Variants in ZNF346 observed in about 807,000 individuals in gnomAD.
ZNF346 encodes the protein zinc finger protein 346.
A neutral mutation model predicts 33.7 loss-of-function variants in ZNF346; 23 were observed. The observed-to-expected ratio is 0.68, with a 90% CI of 0.49 to 0.97. The LOEUF (loss-of-function observed/expected upper bound fraction) is 0.97. ZNF346 is among the 50% of genes least tolerant of loss of function. ZNF346 has a pLI of 0.00. For missense variants in ZNF346, 340 were observed against 371.1 expected (o/e 0.92, Z 0.69); for synonymous variants, 134 against 142.4 (o/e 0.94, Z 0.42).
intron 1 of ZNF346, among the ~76,000 whole-genome samples, chr5:177,034,820 C>T (rs1055946135): frequency 2.6e-5 from 4 of 152,190 alleles, no homozygotes; most frequent in Non-Finnish European, 5.9e-5. Flanking sequence ...TTTCCAGCAT[C>T]CGTTGTCCAG....
At chr5:177,026,620 C>T (rs1776821584) in intron 1 of ZNF346, among the ~76,000 whole-genome samples, 1 of 152,036 alleles carries the variant, frequency 6.6e-6, no homozygotes, top group Admixed American at 6.6e-5. Context: ...CCTTGGCCTC[C>T]CGAAGTGTTG....
chr5:177,051,167 T>C (rs1319523068), intron 5 of ZNF346, among the ~76,000 whole-genome samples: 1 of 148,334 alleles, frequency 6.7e-6, no homozygotes, highest in African/African-American at 2.6e-5. Flanking sequence ...CAGGTTTTCT[T>C]TTCTTTTTTT....
At chr5:177,048,464 A>G (rs1175878585) in intron 4 of ZNF346, among the ~76,000 whole-genome samples, 1 of 152,148 alleles carries the variant, frequency 6.6e-6, no homozygotes, top group Non-Finnish European at 1.5e-5. Context: ...TCTACTAAAA[A>G]TACAAAATTA....
chr5:177,026,472 G>A (rs922422208), intron 1 of ZNF346, among the ~76,000 whole-genome samples: 16 of 145,230 alleles, frequency 1.1e-4, no homozygotes, highest in Admixed American at 6.5e-4. Flanking sequence ...TGATTCTCCC[G>A]CCTCAGCCTC....
chr5:177,068,560 C>T (rs79007785), downstream of ZNF346, among the ~76,000 whole-genome samples: 695 of 143,898 alleles, frequency 4.8e-3, 164 homozygotes, highest in African/African-American at 0.019. Context: ...GAACACCTTT[C>T]TCCACTAGTT....
At position 177,064,959 on chromosome 5, in the gene ZNF346, A is replaced by C. The variant is rs1783015364; in HGVS notation, c.*360A>C. 1.4e-5 allele frequency: 3 copies of C among 220,830 alleles called. No homozygotes were observed. In the East Asian group the frequency reaches 3.1e-4, roughly 23 times the overall value. 13.7% of individuals were successfully genotyped at this position (220,830 alleles called of 1,614,324 possible). Reference sequence around the variant, plus strand: ...CAGTTTTGGGCCAGTTCTTGCAACTAAAGAGCAGAGATCTCTCTGGGCCCT... The same window carrying C: ...CAGTTTTGGGCCAGTTCTTGCAACTCAAGAGCAGAGATCTCTCTGGGCCCT... On this transcript the variant is annotated 3_prime_UTR_variant, in exon 7 of 7. Transcript: ENST00000358149.
At position 177,038,097 on chromosome 5, in the gene ZNF346, T is replaced by A. The variant is rs1045326302; in HGVS notation, c.176-3029T>A. 7.8e-3 allele frequency among the ~76,000 whole-genome samples: 1,154 copies of A among 148,504 alleles called. 6 individuals carry two copies. The highest frequency in any genetic ancestry group is 0.01 in the Non-Finnish European group (669 of 66,840). ...CCATGATGATTTTTTTTTTTTTTTTTAAATTTTCAGAGTCAAAGTCTTTCT... is the reference window on the plus strand; with the variant it reads ...CCATGATGATTTTTTTTTTTTTTTTAAAATTTTCAGAGTCAAAGTCTTTCT... On this transcript the variant is annotated intron_variant, in intron 1 of 6. Transcript: ENST00000358149.
intron 6 of ZNF346, among the ~76,000 whole-genome samples, chr5:177,063,412 C>T (rs1782789507): frequency 6.6e-6 from 1 of 152,224 alleles, no homozygotes; most frequent in African/African-American, 2.4e-5. Context: ...AGTCTCCTCT[C>T]TCACACTGTA....
chr5:177,024,970 A>G (rs1776552713), intron 1 of ZNF346, among the ~76,000 whole-genome samples: 1 of 152,220 alleles, frequency 6.6e-6, no homozygotes, highest in Non-Finnish European at 1.5e-5. Flanking sequence ...TGTGAGTTAC[A>G]ATTTATATAC....
In ZNF346 at chr5:177,060,928, G is replaced by A. The variant is rs1432819136; in HGVS notation, c.704-1130G>A. Among the ~76,000 whole-genome samples the A allele has an allele frequency of 2.0e-5, 3 of 151,700 alleles. No homozygotes were observed. The East Asian group carries it at 5.8e-4, about 30-fold the overall frequency. ...GATCAAGACCATCCTGGCTAACACAGTGAAACCCCATCTCTACTAAAAATA... is the reference window on the plus strand; with the variant it reads ...GATCAAGACCATCCTGGCTAACACAATGAAACCCCATCTCTACTAAAAATA... On this transcript the variant is annotated intron_variant, in intron 5 of 6. Coordinates refer to ENST00000358149, the MANE Select transcript of ZNF346 (RefSeq NM_012279.4).
chr5:177,038,270 T>TG (rs35786981), intron 1 of ZNF346, among the ~76,000 whole-genome samples: 3 of 103,758 alleles, frequency 2.9e-5, no homozygotes, highest in Non-Finnish European at 5.2e-5. Flanking sequence ...TTTTTTTTTG[T>TG]GTGTGTGTGT....
At chr5:177,034,031 A>G (rs1778110087) in intron 1 of ZNF346, among the ~76,000 whole-genome samples, 1 of 151,684 alleles carries the variant, frequency 6.6e-6, no homozygotes, top group East Asian at 2.0e-4. Context: ...ACAAGTGTGC[A>G]CCACCATACC....
chr5:177,027,728 G>A (rs558242453), intron 1 of ZNF346, among the ~76,000 whole-genome samples: 1 of 150,858 alleles, frequency 6.6e-6, no homozygotes, highest in South Asian at 2.1e-4. Flanking sequence ...AGAGTGCAGT[G>A]GCACAATCAT....
chr5:177,064,546 A>G lies in ZNF346; in HGVS notation c.832A>G (p.Ile278Val). 7 of 1,614,236 alleles carry G rather than the reference A, an allele frequency of 4.3e-6. No homozygotes were observed. Among genetic ancestry groups the G allele is most frequent in the Non-Finnish European group, 5.9e-6 (7 of 1,180,028 alleles). The stretch of plus-strand genomic sequence containing the variant: ...AACAGTGGCATCATCCCTGGGCCAG[A>G]TTCCAATGCAAAGGCAACCCATTCA... ...PKTVASSLGQ[I>V]PMQRQPIQKD... The change falls in exon 7 of 7, where the codon ATT (isoleucine) becomes GTT (valine). Residue 278 changes from isoleucine to valine, a missense_variant. Ile to Val is a conservative substitution (Grantham distance 29, BLOSUM62 3). Coordinates refer to ENST00000358149, the MANE Select transcript of ZNF346 (RefSeq NM_012279.4).
chr5:177,028,031 CT>C (rs1199305641), intron 1 of ZNF346, among the ~76,000 whole-genome samples: 1 of 131,450 alleles, frequency 7.6e-6, no homozygotes, highest in Non-Finnish European at 1.6e-5. Flanking sequence ...TTTGTTTCTC[CT>C]TGTGTCACTT....
At chr5:177,034,583 C>T (rs922532972) in intron 1 of ZNF346, among the ~76,000 whole-genome samples, 1 of 152,158 alleles carries the variant, frequency 6.6e-6, no homozygotes, top group African/African-American at 2.4e-5. Context: ...TCTCTGTGTT[C>T]CTACTTCATC....
intron 6 of ZNF346, 65 bp from the exon 7 acceptor site, chr5:177,064,447 C>T: frequency 7.7e-7 from 1 of 1,298,334 alleles, no homozygotes; most frequent in Non-Finnish European, 1.1e-6. Context: ...GCAGTGCTAT[C>T]ATTGCAGTAG....
chr5:177,079,081 G>T (rs1783881520), intron 8 of ZNF346, among the ~76,000 whole-genome samples: 1 of 152,032 alleles, frequency 6.6e-6, no homozygotes, highest in Non-Finnish European at 1.5e-5. Context: ...GACCAGCCTG[G>T]CCAACATGGT....
intron 1 of ZNF346, among the ~76,000 whole-genome samples, chr5:177,028,414 C>A (rs1268291873): frequency 6.8e-6 from 1 of 147,524 alleles, no homozygotes; most frequent in Non-Finnish European, 1.5e-5. Flanking sequence ...TCTTATGTTG[C>A]TGATTTGAGT....
Sources: gnomAD v4.1 joint callset for allele counts (sites outside exome capture counted in the v4.1 genomes callset) on GRCh38, gnomAD v4.1.1 for gene constraint, MANE v1.5 for transcripts, NCBI Gene and HGNC (gene_info 2026-07-23, HGNC 2026-07-21) for gene names.